The following RNF32 variants were observed in gnomAD, a reference collection of about 807,000 sequenced individuals.
The protein encoded by RNF32 is ring finger protein 32.
Under a neutral mutation model 41.0 loss-of-function variants are expected in RNF32, and 36 were observed. That is an observed-to-expected ratio of 0.88 (90% CI 0.67 to 1.16). The LOEUF is 1.16. Ranked by LOEUF, RNF32 falls within the 50% of genes most tolerant of loss-of-function variation. The pLI, the probability that RNF32 is intolerant of heterozygous loss-of-function variation, is 0.00. For missense variants in RNF32, 413 were observed against 436.7 expected (o/e 0.95, Z 0.48); for synonymous variants, 154 against 160.9 (o/e 0.96, Z 0.32).
chr7:156,675,884 G>A, intron 8 of RNF32, 21 bp downstream of exon 8: 2 of 1,607,170 alleles, frequency 1.2e-6, no homozygotes, highest in Non-Finnish European at 1.7e-6. Context: ...CTGGCAGCCT[G>A]GCAACCAGCA....
At position 156,648,025 on chromosome 7, in the gene RNF32, AT is replaced by A. The variant is rs1221263269; in HGVS notation, c.274+3271del. Reference sequence around the variant, plus strand: ...CATTTGCCCTCTTTTTGATGGGATTATTTGTTTTTTTTTTTTCTTGCTGATT... The same window carrying A: ...CATTTGCCCTCTTTTTGATGGGATTATTGTTTTTTTTTTTTCTTGCTGATT... On this transcript the variant is annotated intron_variant, in intron 3 of 8. Transcript: ENST00000317955. 7.8e-5 allele frequency among the ~76,000 whole-genome samples: 9 copies of A among 114,896 alleles called. No individual in the cohort carries two copies. In the East Asian group the frequency reaches 2.5e-3, roughly 32 times the overall value. 75.4% of individuals were successfully genotyped at this position (114,896 alleles called of 152,430 possible). A position where few individuals can be genotyped will look rare whatever the true frequency, so the allele number is the denominator to read the frequency against.
chr7:156,673,059 T>A (rs971127279), intron 7 of RNF32, among the ~76,000 whole-genome samples: 1 of 152,252 alleles, frequency 6.6e-6, no homozygotes, highest in Non-Finnish European at 1.5e-5. Flanking sequence ...CTGCGGGGTC[T>A]GGGCCCCACC....
chr7:156,652,585 A>G (rs778276808), intron 3 of RNF32, among the ~76,000 whole-genome samples: 9 of 152,170 alleles, frequency 5.9e-5, no homozygotes, highest in Non-Finnish European at 1.0e-4. Context: ...CCATAAAATT[A>G]TAATGGAGTT....
Position 156,660,674 on chromosome 7 carries a change from A to G in RNF32, c.684+2104A>G, listed in dbSNP as rs539455735. Among the ~76,000 whole-genome samples, 354 of 152,314 alleles carry G rather than the reference A, an allele frequency of 2.3e-3. 1 individual carries two copies. Among genetic ancestry groups the G allele is most frequent in the Non-Finnish European group, 4.3e-3 (291 of 68,020 alleles). ...GTGGCTTTCAGACTTTTCCTCAACC[A>G]CAATAAGAAATATCTTCTAAGCAAT... On this transcript the variant is annotated intron_variant, in intron 7 of 8. Transcript: ENST00000317955.
In RNF32 at chr7:156,644,599, A is replaced by G. The variant is rs1032226106; in HGVS notation, c.116A>G (p.His39Arg). ...CTTCGAAATCTTTCAGTTGCAGATC[A>G]TTCTAAGACACAAGTACAAAAGAAA... Reference protein sequence around the residue: ...LQLRNLSVADHSKTQVQKKEN... With the variant: ...LQLRNLSVADRSKTQVQKKEN... Residue 39 changes from histidine to arginine, a missense_variant, in exon 3 of 9, where the codon CAT becomes CGT. Coordinates refer to ENST00000317955, the MANE Select transcript of RNF32 (RefSeq NM_030936.4). 3.7e-6 allele frequency: 6 copies of G among 1,613,538 alleles called. No individual in the cohort carries two copies. Among genetic ancestry groups the G allele is most frequent in the Non-Finnish European group, 5.1e-6 (6 of 1,179,546 alleles).
At chr7:156,667,154 G>C (rs1463510628) in intron 7 of RNF32, among the ~76,000 whole-genome samples, 1 of 152,164 alleles carries the variant, frequency 6.6e-6, no homozygotes, top group African/African-American at 2.4e-5. Context: ...AGGACTGGAA[G>C]GATATTAAAC....
At chr7:156,659,182 C>T in intron 7 of RNF32, 1 of 1,182,296 alleles carries the variant, frequency 8.5e-7, no homozygotes, top group Non-Finnish European at 1.0e-6. Flanking sequence ...CAAACAGCAG[C>T]AGCTCCGAGG....
At chr7:156,660,908 G>A (rs978898098) in intron 7 of RNF32, among the ~76,000 whole-genome samples, 1 of 152,222 alleles carries the variant, frequency 6.6e-6, no homozygotes, top group Non-Finnish European at 1.5e-5. Context: ...ACATTGGTTT[G>A]GCCAGAAAGG....
rs371971964 is a variant in RNF32, at chr7:156,658,930, G to A, written c.684+360G>A. 9.6e-5 allele frequency: 147 copies of A among 1,537,002 alleles called. 1 individual carries two copies. In the East Asian group the frequency reaches 1.9e-3, roughly 20 times the overall value. ...CTATATGTAAATGAAGACATCTGCT[G>A]CACATCTCATAGTAATGAAAATAGA... is the stretch of plus-strand genomic sequence containing the variant. On this transcript the variant is annotated intron_variant, in intron 7 of 8. Coordinates refer to ENST00000317955, the MANE Select transcript of RNF32 (RefSeq NM_030936.4).
At chr7:156,658,060 C>T in intron 5 of RNF32, 68 bp from the exon 6 acceptor site, 1 of 1,451,816 alleles carries the variant, frequency 6.9e-7, no homozygotes, top group Non-Finnish European at 9.6e-7. Context: ...AGAACACTAA[C>T]ATTGGAAGTA....
At chr7:156,656,491 T>TA (rs1373219742) in intron 4 of RNF32, among the ~76,000 whole-genome samples, 1 of 152,226 alleles carries the variant, frequency 6.6e-6, no homozygotes, top group Non-Finnish European at 1.5e-5. Flanking sequence ...AGGACCCTAT[T>TA]ACTGAGTTTA....
chr7:156,658,750 G>A, intron 7 of RNF32, 180 bp downstream of exon 7: 1 of 836,256 alleles, frequency 1.2e-6, no homozygotes. Flanking sequence ...CAACCTAGAT[G>A]TTCAAATACT....
chr7:156,646,697 C>T, intron 3 of RNF32: 1 of 357,248 alleles, frequency 2.8e-6, no homozygotes, highest in Middle Eastern at 9.9e-4. Flanking sequence ...AAGACTTTTT[C>T]ACAGCATCAA....
intron 3 of RNF32, 103 bp from the exon 4 acceptor site, chr7:156,654,473 G>T (rs538265444): frequency 1.1e-6 from 1 of 922,412 alleles, no homozygotes; most frequent in African/African-American, 1.7e-5. Context: ...TGATCTATAT[G>T]TAGTTCTTTA....
In RNF32 at chr7:156,650,253, G is replaced by A. The variant is rs577088925; in HGVS notation, c.275-4323G>A. On this transcript the variant is annotated intron_variant, in intron 3 of 8. Transcript: ENST00000317955. ...GGACACAAGAGGGTGCACAGCCCCA[G>A]GGTCAGTCCTCAACAACAAGGGAGG... is the stretch of plus-strand genomic sequence containing the variant. Among the ~76,000 whole-genome samples the A allele has an allele frequency of 2.0e-5, 3 of 152,338 alleles. No individual in the cohort carries two copies. In the South Asian group the frequency reaches 6.2e-4, roughly 32 times the overall value.
intron 6 of RNF32, 35 bp downstream of exon 6, chr7:156,658,287 C>T (rs752912799): frequency 6.2e-7 from 1 of 1,609,038 alleles, no homozygotes; most frequent in Non-Finnish European, 8.5e-7. Flanking sequence ...GCTAAGCAGA[C>T]ACAGATCAGG....
intron 7 of RNF32, 67 bp from the exon 8 acceptor site, chr7:156,675,629 G>A (rs1408065754): frequency 7.8e-6 from 11 of 1,407,170 alleles, no homozygotes; most frequent in South Asian, 4.7e-5. Flanking sequence ...GGTCAGGCTC[G>A]AGAGCGCTTC....
Position 156,644,463 on chromosome 7 carries a change from T to C in RNF32, c.16-36T>C. On this transcript the variant is annotated intron_variant, in intron 2 of 8. Coordinates refer to ENST00000317955, the MANE Select transcript of RNF32 (RefSeq NM_030936.4). ...CTCTTCTAAATGATATATTACATAA[T>C]ACTCCTCTAAATATGACTTTTTTCC... The C allele has an allele frequency of 2.6e-6, 4 of 1,515,018 alleles. No homozygotes were observed. The South Asian group carries it at 4.6e-5, about 17-fold the overall frequency. The allele number at this position is 1,515,018 out of a possible 1,614,324, so 93.8% of individuals were successfully genotyped here.
At chr7:156,646,517 CAA>C in intron 3 of RNF32, 2 of 1,293,508 alleles carry the variant, frequency 1.5e-6, no homozygotes, top group Non-Finnish European at 2.0e-6. Context: ...ACTACATCTG[CAA>C]AGACCCTATT....
Sources: gnomAD v4.1 joint callset for allele counts (sites outside exome capture counted in the v4.1 genomes callset) on GRCh38, gnomAD v4.1.1 for gene constraint, MANE v1.5 for transcripts, NCBI Gene and HGNC (gene_info 2026-07-23, HGNC 2026-07-21) for gene names.